Variants in SPAG17 observed in about 807,000 individuals in gnomAD.
SPAG17 encodes sperm associated antigen 17.
A neutral mutation model predicts 273.6 loss-of-function variants in SPAG17; 169 were observed. The observed-to-expected ratio is 0.62, with a 90% CI of 0.55 to 0.70. SPAG17 has a LOEUF of 0.70. Among genes scored for constraint, SPAG17 ranks in the 30% least tolerant of loss-of-function variants. The pLI is 0.00. For synonymous variants in SPAG17, 825 were observed against 873.2 expected (o/e 0.94, Z 0.97); for missense variants, 2,557 against 2,627.8 (o/e 0.97, Z 0.59).
intron 40 of SPAG17, among the ~76,000 whole-genome samples, chr1:117,985,951 A>C (rs1656354862): frequency 6.6e-6 from 1 of 152,154 alleles, no homozygotes; most frequent in South Asian, 2.1e-4. Context: ...TCAGTCCCCC[A>C]GTGTGAGAGC....
At chr1:117,965,501 T>G (rs539763763) in intron 47 of SPAG17, 1 of 152,270 alleles carries the variant, frequency 6.6e-6, no homozygotes, top group Admixed American at 6.5e-5. Context: ...TTGAACTCGA[T>G]GTCCTCTTTC....
chr1:118,110,850 G>A lies in SPAG17; in HGVS notation c.447+4460C>T, dbSNP rs1000292861. On this transcript the variant is annotated intron_variant, in intron 4 of 48. Coordinates refer to ENST00000336338, the MANE Select transcript of SPAG17 (RefSeq NM_206996.4). ...TTTCATAATTATTGAGACACACTTAGGAAGGATATGTATGGGGGTTAAGAG... is the reference window on the plus strand; with the variant it reads ...TTTCATAATTATTGAGACACACTTAAGAAGGATATGTATGGGGGTTAAGAG... Among the ~76,000 whole-genome samples the A allele has an allele frequency of 7.2e-5, 11 of 152,312 alleles. No individual in the cohort carries two copies. The East Asian group carries it at 1.3e-3, about 19-fold the overall frequency.
intron 4 of SPAG17, among the ~76,000 whole-genome samples, chr1:118,106,459 G>T (rs898872720): frequency 6.6e-6 from 1 of 152,134 alleles, no homozygotes; most frequent in Non-Finnish European, 1.5e-5. Flanking sequence ...GCACAAGTCA[G>T]TGCCCCTGAG....
At chr1:118,091,811 C>A in intron 9 of SPAG17, 93 bp from the exon 10 acceptor site, 2 of 1,322,482 alleles carry the variant, frequency 1.5e-6, no homozygotes, top group Non-Finnish European at 2.2e-6. Flanking sequence ...TATGACTATG[C>A]ACTAATAAAT....
chr1:117,955,182 A>G, intron 48 of SPAG17: 1 of 674,992 alleles, frequency 1.5e-6, no homozygotes. Flanking sequence ...AAACTCATGC[A>G]GATCTTGCCA....
chr1:118,032,175 G>A (rs563139642), intron 24 of SPAG17, among the ~76,000 whole-genome samples: 14 of 152,166 alleles, frequency 9.2e-5, no homozygotes, highest in Non-Finnish European at 1.9e-4. Context: ...TAATTTATTT[G>A]AGAAATATTT....
chr1:117,955,211 G>C, intron 48 of SPAG17: 2 of 933,506 alleles, frequency 2.1e-6, no homozygotes, highest in Non-Finnish European at 3.2e-6. Flanking sequence ...TACTTTTTCT[G>C]AAGTAAGAAG....
intron 47 of SPAG17, 22 bp downstream of exon 47, chr1:117,966,587 C>A (rs776400163): frequency 6.3e-7 from 1 of 1,588,248 alleles, no homozygotes; most frequent in South Asian, 1.2e-5. Flanking sequence ...TATGATTACT[C>A]AAGTTGAACT....
rs1179817142 is a variant in SPAG17 at position 118,012,390 on chromosome 1, G to A, written c.4288-18C>T. The A allele has an allele frequency of 6.2e-7, 1 of 1,609,180 alleles. No homozygotes were observed. The highest frequency in any genetic ancestry group is 8.5e-7 in the Non-Finnish European group (1 of 1,177,850). Reference sequence around the variant, plus strand: ...GTCATAACCTGAACATGAAGAGGCAGGACATAATCATTTGGCCACATGGTT... The same window carrying A: ...GTCATAACCTGAACATGAAGAGGCAAGACATAATCATTTGGCCACATGGTT... On this transcript the variant is annotated intron_variant, in intron 29 of 48. Coordinates refer to ENST00000336338, the MANE Select transcript of SPAG17 (RefSeq NM_206996.4).
At chr1:118,020,370 G>T (rs533028062) in intron 28 of SPAG17, among the ~76,000 whole-genome samples, 63 of 152,114 alleles carry the variant, frequency 4.1e-4, no homozygotes, top group African/African-American at 1.5e-3. Flanking sequence ...GGAAGTGGAG[G>T]TTGCAGTGAG....
intron 3 of SPAG17, among the ~76,000 whole-genome samples, chr1:118,137,015 T>C (rs181913055): frequency 3.3e-5 from 5 of 152,226 alleles, no homozygotes; most frequent in Non-Finnish European, 7.4e-5. Flanking sequence ...TTCCTCAAAA[T>C]CTCATTAGTT....
At chr1:118,056,825 A>C (rs1651730334) in intron 18 of SPAG17, among the ~76,000 whole-genome samples, 1 of 152,192 alleles carries the variant, frequency 6.6e-6, no homozygotes, top group African/African-American at 2.4e-5. Context: ...TGGATATCTC[A>C]AACTCAACAT....
intron 1 of SPAG17, among the ~76,000 whole-genome samples, chr1:118,166,833 T>C (rs1486278258): frequency 6.6e-6 from 1 of 152,218 alleles, no homozygotes; most frequent in Non-Finnish European, 1.5e-5. Flanking sequence ...GCTTTATTAA[T>C]AGTGATTAAA....
At chr1:118,173,422 T>C (rs1255690257) in intron 1 of SPAG17, among the ~76,000 whole-genome samples, 1 of 152,108 alleles carries the variant, frequency 6.6e-6, no homozygotes, top group Non-Finnish European at 1.5e-5. Flanking sequence ...GTTTTATGTC[T>C]GATCTGACTC....
At chr1:118,163,071 A>G (rs539792626) in intron 1 of SPAG17, among the ~76,000 whole-genome samples, 164 of 152,352 alleles carry the variant, frequency 1.1e-3, no homozygotes, top group African/African-American at 3.9e-3. Flanking sequence ...TGAGGACAAG[A>G]GTTCTTCAGC....
chr1:118,097,624 G>A, intron 7 of SPAG17, 46 bp downstream of exon 7: 1 of 1,429,072 alleles, frequency 7.0e-7, no homozygotes, highest in Non-Finnish European at 9.4e-7. Context: ...TAGAACCACT[G>A]TGTCACATGT....
At chr1:118,059,455 AATTG>A (rs754829756) in intron 18 of SPAG17, among the ~76,000 whole-genome samples, 61 of 152,248 alleles carry the variant, frequency 4.0e-4, no homozygotes, top group Non-Finnish European at 7.9e-4. Context: ...GGCTAAATTG[AATTG>A]ATTAACATAC....
chr1:118,066,690 T>C, intron 18 of SPAG17, 55 bp downstream of exon 18: 2 of 1,489,076 alleles, frequency 1.3e-6, no homozygotes, highest in South Asian at 1.2e-5. Context: ...ACTAAGTAAC[T>C]GGCAAGCTAA....
Position 118,012,313 on chromosome 1 carries a change from T to C in SPAG17, c.4347A>G (p.Ile1449Met), listed in dbSNP as rs753520937. Residue 1449 changes from isoleucine to methionine, a missense_variant, in exon 30 of 49, where the codon ATA becomes ATG. Transcript: ENST00000336338. ...VIVERKDGTR[I>M]VDHADGTRIT... is the part of the protein sequence containing the mutation. ...TTCTGGTACCATCAGCATGATCCACTATCCGAGTACCATCTTTCCTTTCAA... is the reference window on the plus strand; with the variant it reads ...TTCTGGTACCATCAGCATGATCCACCATCCGAGTACCATCTTTCCTTTCAA... 7.4e-6 allele frequency: 12 copies of C among 1,613,706 alleles called. No homozygotes were observed. Among genetic ancestry groups the C allele is most frequent in the Middle Eastern group, 1.6e-4 (1 of 6,078 alleles).
Sources: allele counts gnomAD v4.1 joint callset (sites outside exome capture counted in the v4.1 genomes callset), GRCh38; gene constraint gnomAD v4.1.1; transcripts MANE v1.5; gene names NCBI Gene and HGNC (gene_info 2026-07-23, HGNC 2026-07-21).